Variants in LDB2 observed in about 807,000 individuals in gnomAD.
LDB2 encodes LIM domain-binding protein 2.
In LDB2, 12 loss-of-function variants were observed where a neutral mutation model predicts 44.3. That is an observed-to-expected ratio of 0.27 (90% CI 0.17 to 0.44). The LOEUF is 0.44. Among genes scored for constraint, LDB2 ranks in the 20% least tolerant of loss-of-function variants. LDB2 has a pLI of 1.00. For missense variants in LDB2, 344 were observed against 473.5 expected, an observed-to-expected ratio of 0.73 and a Z score of 2.54; for synonymous variants, 164 against 174.8, an observed-to-expected ratio of 0.94 and a Z score of 0.49.
intron 5 of LDB2, among the ~76,000 whole-genome samples, chr4:16,527,594 A>C (rs773522647): frequency 6.6e-6 from 1 of 152,184 alleles, no homozygotes; most frequent in Non-Finnish European, 1.5e-5. Flanking sequence ...AAAGTAAGTC[A>C]TTATATGAAA....
intron 4 of LDB2, among the ~76,000 whole-genome samples, chr4:16,586,645 G>A (rs1717096892): frequency 6.6e-6 from 1 of 152,074 alleles, no homozygotes; most frequent in Non-Finnish European, 1.5e-5. Context: ...AGGACTGTAA[G>A]AGTAAGTATC....
chr4:16,836,746 A>T (rs1784944015), intron 1 of LDB2, among the ~76,000 whole-genome samples: 1 of 152,192 alleles, frequency 6.6e-6, no homozygotes, highest in African/African-American at 2.4e-5. Context: ...ACACACATGG[A>T]ATTATTGAAT....
At chr4:16,517,294 A>G (rs1429268339) in intron 5 of LDB2, among the ~76,000 whole-genome samples, 2 of 152,134 alleles carry the variant, frequency 1.3e-5, no homozygotes, top group African/African-American at 4.8e-5. Context: ...TGTAATAAGT[A>G]TGAGCCAGGT....
At chr4:16,897,895 AATATATAT>A (rs1174965862) in intron 1 of LDB2, among the ~76,000 whole-genome samples, 3,919 of 77,398 alleles carry the variant, frequency 0.051, 217 homozygotes, top group Non-Finnish European at 0.088. Flanking sequence ...TAAAAAAGAA[AATATATAT>A]ATATATATAT....
chr4:16,878,655 C>A (rs16894148), intron 1 of LDB2, among the ~76,000 whole-genome samples: 2 of 152,304 alleles, frequency 1.3e-5, no homozygotes, highest in East Asian at 3.9e-4. Context: ...CCTTAACATC[C>A]TATCTGTAGT....
At chr4:16,743,051 A>G (rs1241934534) in intron 2 of LDB2, among the ~76,000 whole-genome samples, 1 of 152,048 alleles carries the variant, frequency 6.6e-6, no homozygotes, top group Non-Finnish European at 1.5e-5. Context: ...GCACTTTGGG[A>G]GCACAAGGTG....
intron 2 of LDB2, among the ~76,000 whole-genome samples, chr4:16,757,099 C>A (rs1766818867): frequency 6.6e-6 from 1 of 152,166 alleles, no homozygotes; most frequent in African/African-American, 2.4e-5. Flanking sequence ...CCCAGCCTGG[C>A]ACAGCATGCC....
chr4:16,573,512 T>C (rs1161307441), intron 5 of LDB2, among the ~76,000 whole-genome samples: 1 of 152,230 alleles, frequency 6.6e-6, no homozygotes, highest in Non-Finnish European at 1.5e-5. Flanking sequence ...TATAGTAGTC[T>C]TAAAGTTCTT....
chr4:16,719,527 C>T (rs1757800903), intron 2 of LDB2, among the ~76,000 whole-genome samples: 1 of 152,152 alleles, frequency 6.6e-6, no homozygotes, highest in African/African-American at 2.4e-5. Flanking sequence ...CCCATTCATC[C>T]TTTTGAAGAT....
intron 2 of LDB2, among the ~76,000 whole-genome samples, chr4:16,704,742 C>T (rs1402667593): frequency 6.6e-6 from 1 of 152,168 alleles, no homozygotes; most frequent in Admixed American, 6.5e-5. Context: ...TGTGTGTTCT[C>T]TATGGTGAGG....
chr4:16,624,856 G>T (rs1236134034), intron 2 of LDB2, among the ~76,000 whole-genome samples: 2 of 152,188 alleles, frequency 1.3e-5, no homozygotes, highest in Admixed American at 1.3e-4. Context: ...AGTAGTAAAA[G>T]AATTTGTTTC....
At chr4:16,637,097 T>C (rs1198086324) in intron 2 of LDB2, among the ~76,000 whole-genome samples, 2 of 152,168 alleles carry the variant, frequency 1.3e-5, no homozygotes, top group Non-Finnish European at 2.9e-5. Context: ...TACTGTCTTC[T>C]TGCTGTAAAT....
At chr4:16,772,687 C>T (rs192155249) in intron 1 of LDB2, among the ~76,000 whole-genome samples, 5 of 152,208 alleles carry the variant, frequency 3.3e-5, no homozygotes, top group East Asian at 3.9e-4. Flanking sequence ...ATGCTTTATA[C>T]GAAAAATTGC....
At chr4:16,663,019 T>C (rs959509474) in intron 2 of LDB2, among the ~76,000 whole-genome samples, 1 of 152,120 alleles carries the variant, frequency 6.6e-6, no homozygotes, top group Non-Finnish European at 1.5e-5. Context: ...CCTGAAAGAA[T>C]CATAGAACCA....
chr4:16,519,407 A>C (rs1335517250), intron 5 of LDB2, among the ~76,000 whole-genome samples: 2 of 151,948 alleles, frequency 1.3e-5, no homozygotes, highest in African/African-American at 4.8e-5. Context: ...GGTTCAGTCA[A>C]GTTTCTCTGA....
intron 2 of LDB2, among the ~76,000 whole-genome samples, chr4:16,640,175 C>A (rs897929739): frequency 6.6e-6 from 1 of 152,188 alleles, no homozygotes; most frequent in African/African-American, 2.4e-5. Context: ...TGACTTATAA[C>A]CCTTCTATTC....
intron 1 of LDB2, among the ~76,000 whole-genome samples, chr4:16,808,110 A>AG (rs112082017): frequency 1.2e-4 from 18 of 152,160 alleles, no homozygotes; most frequent in African/African-American, 4.3e-4. Flanking sequence ...GAAAAAAAGA[A>AG]GGAAAAAAAG....
intron 2 of LDB2, among the ~76,000 whole-genome samples, chr4:16,681,982 G>T (rs749698202): frequency 5.9e-5 from 9 of 152,206 alleles, no homozygotes; most frequent in African/African-American, 1.9e-4. Context: ...GACAGAGGAC[G>T]GGTGCCTATT....
chr4:16,683,142 G>A (rs908620174), intron 2 of LDB2, among the ~76,000 whole-genome samples: 7 of 151,964 alleles, frequency 4.6e-5, no homozygotes, highest in Admixed American at 6.6e-5. Context: ...ACCTCCCCCC[G>A]CAAAAAGTGT....
Sources: gnomAD v4.1 joint callset for allele counts (sites outside exome capture counted in the v4.1 genomes callset) on GRCh38, gnomAD v4.1.1 for gene constraint, MANE v1.5 for transcripts, NCBI Gene and HGNC (gene_info 2026-07-23, HGNC 2026-07-21) for gene names.